LAMA5: variants seen among roughly 807,000 people sequenced by gnomAD.
LAMA5 encodes laminin subunit alpha 5.
A neutral mutation model predicts 433.4 loss-of-function variants in LAMA5; 260 were observed. The observed-to-expected ratio is 0.60, with a 90% confidence interval of 0.54 to 0.66. The LOEUF (loss-of-function observed/expected upper bound fraction) is 0.66, where lower values mean the gene tolerates loss of function less well. Among genes scored for constraint, LAMA5 ranks in the 30% least tolerant of loss-of-function variants. The pLI, the probability that LAMA5 is intolerant of heterozygous loss-of-function variation, is 0.00. For missense variants in LAMA5, 5,378 were observed against 5,258.5 expected, an observed-to-expected ratio of 1.02 and a Z score of -0.70; for synonymous variants, 2,620 against 2,226.6, an observed-to-expected ratio of 1.18 and a Z score of -4.97.
At chr20:62,313,827 G>A (rs780549980) in intron 62 of LAMA5, 25 bp from the exon 63 acceptor site, 14 of 1,609,088 alleles carry the variant, frequency 8.7e-6, no homozygotes, top group African/African-American at 1.3e-5. Flanking sequence ...GAGGGGTGGC[G>A]AGTGGGCACG....
chr20:62,328,866 G>C lies in LAMA5; in HGVS notation c.4425C>G (p.Tyr1475Ter), dbSNP rs6143022. Residue 1475 changes from tyrosine (Y) to a stop codon, truncating the protein, a stop_gained, in exon 34 of 80, where the codon TAC (tyrosine) becomes TAG (stop). Transcript: ENST00000252999. LOFTEE classifies it high-confidence loss of function. ...GRDCSRCATG[Y>*]WGFPNCRPCD... ...CACGCCTGCAGTTGGGGAAGCCCCA[G>C]TATCCGGTGGCACAGCGGGAGCAGT... is the stretch of plus-strand genomic sequence containing the variant. 1 of 1,611,206 alleles carries C rather than the reference G, an allele frequency of 6.2e-7. No homozygotes were observed. The highest frequency in any genetic ancestry group is 8.5e-7 in the Non-Finnish European group (1 of 1,179,422).
chr20:62,329,168 C>G lies in LAMA5; in HGVS notation c.4205G>C (p.Ser1402Thr). ...GTGGTAGCCCTGGGCTGCGCAGTGG[C>G]TGATGAAGTCATAGGATTTATCCAG... ...EPLDKSYDFI[S>T]HCAAQGYHIS... is the part of the protein sequence containing the mutation. The change falls in exon 33 of 80, where the codon AGC (serine) becomes ACC (threonine). Residue 1402 changes from serine to threonine, a missense_variant. By Grantham distance (58) the Ser-to-Thr change is moderately conservative. Transcript: ENST00000252999. 1 of 1,612,930 alleles carries G rather than the reference C, an allele frequency of 6.2e-7. No individual in the cohort carries two copies. The highest frequency in any genetic ancestry group is 1.1e-5 in the South Asian group (1 of 91,084).
At position 62,325,362 on chromosome 20, in the gene LAMA5, A is replaced by G; in HGVS notation, c.5483T>C (p.Val1828Ala). 6.2e-7 allele frequency: 1 copy of G among 1,607,616 alleles called. No individual in the cohort carries two copies. Among genetic ancestry groups the G allele is most frequent in the Non-Finnish European group, 8.5e-7 (1 of 1,176,406 alleles). The change falls in exon 41 of 80, where the codon GTG (valine) becomes GCG (alanine). Residue 1828 changes from valine (V) to alanine (A), a missense_variant. Physicochemically the swap from Val to Ala is moderately conservative, Grantham distance 64. Transcript: ENST00000252999. ...GCTGGCGGGGCACAGGCACAGCTCC[A>G]CATTGCTGGCCAGGGCCCCCTGGCC... ...PAGQGALASNVELCLCPASYR... is the reference protein window; with the variant it reads ...PAGQGALASNAELCLCPASYR...
chr20:62,312,482 C>A lies in LAMA5; in HGVS notation c.9278G>T (p.Gly3093Val). Reference protein sequence around the residue: ...TGGSVRGCVKGIKALGKYVDL... With the variant: ...TGGSVRGCVKVIKALGKYVDL... ...CACATACTTGCCCAGGGCCTTGATG[C>A]CTTTGACGCAGCCACGGACTGAGCC... Residue 3093 changes from glycine (G) to valine (V), a missense_variant, in exon 68 of 80, where the codon GGC becomes GTC. Transcript: ENST00000252999. The A allele has an allele frequency of 6.3e-7, 1 of 1,598,502 alleles. No homozygotes were observed. Among genetic ancestry groups the A allele is most frequent in the South Asian group, 1.1e-5 (1 of 91,016 alleles).
chr20:62,313,102 A>G lies in LAMA5; in HGVS notation c.8941T>C (p.Phe2981Leu), dbSNP rs752263337. Residue 2981 changes from phenylalanine to leucine, a missense_variant, in exon 65 of 80, where the codon TTC (phenylalanine) becomes CTC (leucine). Physicochemically the swap from Phe to Leu is conservative, Grantham distance 22. Coordinates refer to ENST00000252999, the MANE Select transcript of LAMA5 (RefSeq NM_005560.6). ...GCCTGGCGCACCTGCTGCTTCAGGAAGAAGAGCACCCCGCTGTAGGACACG... is the reference window on the plus strand; with the variant it reads ...GCCTGGCGCACCTGCTGCTTCAGGAGGAAGAGCACCCCGCTGTAGGACACG... ...RLVSYSGVLF[F>L]LKQQSQFLCL... 9.7e-5 allele frequency: 156 copies of G among 1,609,676 alleles called. No individual in the cohort carries two copies. The highest frequency in any genetic ancestry group is 3.0e-5 in the Non-Finnish European group (35 of 1,179,592).
intron 50 of LAMA5, 142 bp from the exon 51 acceptor site, chr20:62,319,937 G>A (rs1601308748): frequency 1.8e-6 from 1 of 553,886 alleles, no homozygotes; most frequent in Non-Finnish European, 3.2e-6. Context: ...CTGATGACTT[G>A]TTATTTATCA....
chr20:62,339,674 C>T (rs943037379), intron 11 of LAMA5, among the ~76,000 whole-genome samples: 2 of 152,126 alleles, frequency 1.3e-5, no homozygotes, highest in African/African-American at 4.8e-5. Flanking sequence ...TAAGAGTAAC[C>T]ACTGGTCAGA....
At chr20:62,336,225 C>A in intron 18 of LAMA5, 115 bp downstream of exon 18, 2 of 716,498 alleles carry the variant, frequency 2.8e-6, no homozygotes, top group Middle Eastern at 2.6e-4. Flanking sequence ...CCAGGGCACA[C>A]TCACTGGCTC....
rs112822456 is a variant in LAMA5, at chr20:62,327,287, G to C, written c.5058C>G (p.Pro1686=). ...ADLRHVPEAV[P]EAFPELYWQA... is the part of the protein sequence containing the mutation. ...GCCAGTACAGCTCGGGGAAAGCCTC[G>C]GGCACAGCCTCAGGCACGTGCCGCA... The change falls in exon 38 of 80, where the codon CCC becomes CCG. Residue 1686 remains proline (P), a synonymous_variant. Transcript: ENST00000252999. 5 of 1,573,876 alleles carry C rather than the reference G, an allele frequency of 3.2e-6. No individual in the cohort carries two copies. In the Admixed American group the frequency reaches 9.2e-5, roughly 29 times the overall value.
chr20:62,335,942 A>ATATACTTGTGGG, intron 18 of LAMA5, among the ~76,000 whole-genome samples: 1 of 119,240 alleles, frequency 8.4e-6, no homozygotes, highest in East Asian at 2.8e-4. Flanking sequence ...TCCCTCCAGG[A>ATATACTTGTGGG]CACACTCATG....
rs1019902160 is a variant in LAMA5, at chr20:62,342,634, G to A, written c.1477+3184C>T. Among the ~76,000 whole-genome samples the A allele has an allele frequency of 6.6e-5, 10 of 152,072 alleles. No individual in the cohort carries two copies. The East Asian group carries it at 7.7e-4, about 12-fold the overall frequency. Reference sequence around the variant, plus strand: ...GCAGAGCTTGCAGTGAGCCGAGATCGTGCCACTGCACTCCAGTCTGGGCGA... The same window carrying A: ...GCAGAGCTTGCAGTGAGCCGAGATCATGCCACTGCACTCCAGTCTGGGCGA... On this transcript the variant is annotated intron_variant, in intron 11 of 79. Transcript: ENST00000252999.
In LAMA5 at chr20:62,314,721, T is replaced by G; in HGVS notation, c.8201A>C (p.Lys2734Thr). ...AQARGAASKV[K>T]VPMKFNGRSG... ...GCGCCCGTTGAACTTCATGGGCACC[T>G]TGACCTGCGGGGCACGGTCCATCAG... The change falls in exon 61 of 80, where the codon AAG becomes ACG. Residue 2734 changes from lysine to threonine, a missense_variant. Coordinates refer to ENST00000252999, the MANE Select transcript of LAMA5 (RefSeq NM_005560.6). 6.2e-7 allele frequency: 1 copy of G among 1,612,512 alleles called. No homozygotes were observed. The highest frequency in any genetic ancestry group is 8.5e-7 in the Non-Finnish European group (1 of 1,179,768).
At chr20:62,362,305 G>A (rs1316901913) in intron 2 of LAMA5, 95 bp downstream of exon 2, 12 of 1,250,872 alleles carry the variant, frequency 9.6e-6, no homozygotes, top group Admixed American at 3.8e-5. Context: ...CTCGCTCACG[G>A]TGGAGACCTC....
At chr20:62,325,998 A>T (rs1209521891) in intron 40 of LAMA5, among the ~76,000 whole-genome samples, 1 of 152,182 alleles carries the variant, frequency 6.6e-6, no homozygotes, top group Non-Finnish European at 1.5e-5. Context: ...AGGTGGGAGG[A>T]TCACCTGAAG....
At chr20:62,344,638 G>A (rs1459175310) in intron 11 of LAMA5, among the ~76,000 whole-genome samples, 1 of 151,992 alleles carries the variant, frequency 6.6e-6, no homozygotes, top group Non-Finnish European at 1.5e-5. Flanking sequence ...TAGTAGAAAT[G>A]GGGTTTCACC....
In LAMA5 at chr20:62,325,441, T is replaced by G; in HGVS notation, c.5404A>C (p.Ile1802Leu). ...CTGCGCAGGAAGACAGCCGAGGAGATCTGTGAGAAGAGGGCACGGATCTGC... is the reference window on the plus strand; with the variant it reads ...CTGCGCAGGAAGACAGCCGAGGAGAGCTGTGAGAAGAGGGCACGGATCTGC... ...QLQIRALFSQISSAVFLRRVA... is the reference protein window; with the variant it reads ...QLQIRALFSQLSSAVFLRRVA... Residue 1802 changes from isoleucine to leucine, a missense_variant, in exon 41 of 80, where the codon ATC becomes CTC. Transcript: ENST00000252999. 6.2e-7 allele frequency: 1 copy of G among 1,612,318 alleles called. No individual in the cohort carries two copies. Among genetic ancestry groups the G allele is most frequent in the Non-Finnish European group, 8.5e-7 (1 of 1,179,520 alleles).
chr20:62,336,895 C>G (rs748558342), intron 16 of LAMA5, 109 bp from the exon 17 acceptor site: 2 of 1,088,932 alleles, frequency 1.8e-6, no homozygotes, highest in African/African-American at 3.1e-5. Flanking sequence ...TGAGGACCAG[C>G]ACAGGTGCCT....
rs1986207498 is a variant in LAMA5, at chr20:62,311,025, C to T, written c.10158G>A (p.Arg3386=). The T allele has an allele frequency of 6.2e-7, 1 of 1,609,484 alleles. No homozygotes were observed. The highest frequency in any genetic ancestry group is 8.5e-7 in the Non-Finnish European group (1 of 1,178,346). ...RGLLLFTARL[R]PGSPSLALFL... is the part of the protein sequence containing the mutation. ...AGAGCGCCAGGGAGGGGCTGCCGGGCCTCAGACGGGCAGTGAAGAGGAGGA... is the reference window on the plus strand; with the variant it reads ...AGAGCGCCAGGGAGGGGCTGCCGGGTCTCAGACGGGCAGTGAAGAGGAGGA... The change falls in exon 74 of 80, where the codon AGG becomes AGA. Residue 3386 remains arginine, a synonymous_variant. Coordinates refer to ENST00000252999, the MANE Select transcript of LAMA5 (RefSeq NM_005560.6).
In LAMA5 at chr20:62,367,038, C is replaced by A; in HGVS notation, c.208G>T (p.Ala70Ser). The change falls in exon 1 of 80, where the codon GCG becomes TCG. Residue 70 changes from alanine (A) to serine (S), a missense_variant. Coordinates refer to ENST00000252999, the MANE Select transcript of LAMA5 (RefSeq NM_005560.6). The part of the protein sequence containing the change: ...ASATCGEEAP[A>S]RGSPRPTEDL... ...TCGGTGGGGCGCGGGGAGCCGCGCG[C>A]CGGGGCCTCCTCTCCGCAGGTCGCG... 8.0e-7 allele frequency: 1 copy of A among 1,256,736 alleles called. No individual in the cohort carries two copies. Among genetic ancestry groups the A allele is most frequent in the Non-Finnish European group, 9.9e-7 (1 of 1,007,906 alleles). 77.8% of individuals were successfully genotyped at this position (1,256,736 alleles called of 1,614,324 possible).
Sources: gnomAD v4.1 joint callset for allele counts (sites outside exome capture counted in the v4.1 genomes callset) on GRCh38, gnomAD v4.1.1 for gene constraint, MANE v1.5 for transcripts, NCBI Gene and HGNC (gene_info 2026-07-23, HGNC 2026-07-21) for gene names.